PGAP2: variants seen among roughly 807,000 people sequenced by gnomAD.
PGAP2 encodes the protein post-GPI attachment to proteins 2, also known as acyltransferase PGAP2.
In PGAP2, 21 loss-of-function variants were observed where a neutral mutation model predicts 33.2. The observed-to-expected ratio is 0.63, with a 90% confidence interval of 0.45 to 0.91. The LOEUF is 0.91. Ranked by LOEUF, PGAP2 falls within the 40% of genes least tolerant of loss-of-function variation. The pLI, the probability that PGAP2 is intolerant of heterozygous loss-of-function variation, is 0.00. For missense variants in PGAP2, 345 were observed against 424.0 expected (o/e 0.81, Z 1.64); for synonymous variants, 161 against 172.9 (o/e 0.93, Z 0.54).
At chr11:3,822,083 G>A (rs187560620) in intron 3 of PGAP2, among the ~76,000 whole-genome samples, 2 of 151,856 alleles carry the variant, frequency 1.3e-5, no homozygotes, top group South Asian at 2.1e-4. Context: ...AAAACAAAAC[G>A]GCCGGGCGCA....
chr11:3,822,775 G>A, intron 3 of PGAP2: 1 of 534,352 alleles, frequency 1.9e-6, no homozygotes, highest in Non-Finnish European at 3.3e-6. Context: ...TGGAGTCTAA[G>A]AGAGCCTCTT....
intron 2 of PGAP2, among the ~76,000 whole-genome samples, chr11:3,815,624 G>T (rs183869631): frequency 4.9e-4 from 75 of 152,272 alleles, no homozygotes; most frequent in African/African-American, 1.8e-3. Flanking sequence ...CGTTGAACTT[G>T]GCCCAGTTTG....
chr11:3,801,058 G>A (rs577884740), intron 1 of PGAP2, among the ~76,000 whole-genome samples: 3 of 149,502 alleles, frequency 2.0e-5, no homozygotes, highest in South Asian at 2.1e-4. Flanking sequence ...TGCTTGAACC[G>A]GGGAGGCAGA....
intron 3 of PGAP2, among the ~76,000 whole-genome samples, chr11:3,822,219 C>G (rs1263216234): frequency 6.6e-6 from 1 of 151,894 alleles, no homozygotes; most frequent in Non-Finnish European, 1.5e-5. Flanking sequence ...AAAAAATTAG[C>G]CGGGCGTGGT....
intron 5 of PGAP2, chr11:3,824,596 A>T (rs2089657482): frequency 2.7e-6 from 2 of 729,570 alleles, no homozygotes; most frequent in Non-Finnish European, 4.5e-6. Context: ...AGACTGGAGA[A>T]TAGAAGAGAT....
intron 3 of PGAP2, among the ~76,000 whole-genome samples, chr11:3,819,855 C>CGT (rs903428489): frequency 2.0e-5 from 3 of 151,866 alleles, no homozygotes; most frequent in African/African-American, 7.3e-5. Context: ...TGTATATGTG[C>CGT]GTGTGTGTGT....
At chr11:3,801,228 A>G (rs529445239) in intron 1 of PGAP2, among the ~76,000 whole-genome samples, 3 of 152,302 alleles carry the variant, frequency 2.0e-5, no homozygotes, top group Admixed American at 6.5e-5. Flanking sequence ...AAATGGGGAT[A>G]ACAACCACAT....
At chr11:3,819,107 G>A (rs1211863514) in intron 3 of PGAP2, among the ~76,000 whole-genome samples, 2 of 152,204 alleles carry the variant, frequency 1.3e-5, no homozygotes, top group African/African-American at 4.8e-5. Context: ...GGAGTACAGT[G>A]ACCTGATCTT....
upstream of PGAP2, among the ~76,000 whole-genome samples, chr11:3,804,676 G>T (rs1163181513): frequency 6.6e-6 from 1 of 151,970 alleles, no homozygotes; most frequent in Non-Finnish European, 1.5e-5. Flanking sequence ...TTTTATTTTT[G>T]TATTTTGTAT....
intron 1 of PGAP2, among the ~76,000 whole-genome samples, chr11:3,801,724 C>T (rs1392115988): frequency 1.3e-5 from 2 of 151,054 alleles, no homozygotes; most frequent in African/African-American, 4.9e-5. Context: ...GCGGGCAGAT[C>T]ACCTGAGATC....
intron 3 of PGAP2, among the ~76,000 whole-genome samples, chr11:3,820,824 A>AATAC (rs1242619298): frequency 2.0e-5 from 3 of 152,076 alleles, no homozygotes; most frequent in Admixed American, 6.5e-5. Flanking sequence ...CCCTGTCTCA[A>AATAC]ATAAATAAAT....
At chr11:3,803,809 G>A (rs1000788481), upstream of PGAP2, among the ~76,000 whole-genome samples, 3 of 105,454 alleles carry the variant, frequency 2.8e-5, no homozygotes, top group African/African-American at 1.0e-4. Flanking sequence ...TTTTTTTTTT[G>A]AGACACAGTC....
chr11:3,798,433 G>A (rs1415386624), intron 1 of PGAP2, among the ~76,000 whole-genome samples: 1 of 152,062 alleles, frequency 6.6e-6, no homozygotes, highest in African/African-American at 2.4e-5. Context: ...GGGTTCAAGC[G>A]ATTCTCCCGC....
At position 3,817,468 on chromosome 11, in the gene PGAP2, G is replaced by A. The variant is rs780276121; in HGVS notation, c.281G>A (p.Gly94Asp). 4 of 1,614,144 alleles carry A rather than the reference G, an allele frequency of 2.5e-6. No homozygotes were observed. Residue 94 changes from glycine to aspartate, a missense_variant, in exon 3 of 7, where the codon GGC (glycine) becomes GAC (aspartate). By Grantham distance (94) the Gly-to-Asp change is moderately conservative (BLOSUM62 -1). Coordinates refer to ENST00000278243, the MANE Select transcript of PGAP2 (RefSeq NM_014489.4). Reference sequence around the variant, plus strand: ...TGGGCCATCACTTTTCCTGTGTTCGGCTTCTTCTTCTGCATCATCTGGTCC... The same window carrying A: ...TGGGCCATCACTTTTCCTGTGTTCGACTTCTTCTTCTGCATCATCTGGTCC... ...VWWAITFPVF[G>D]FFFCIIWSLV...
intron 1 of PGAP2, among the ~76,000 whole-genome samples, chr11:3,799,923 C>A (rs928536062): frequency 6.6e-6 from 1 of 152,074 alleles, no homozygotes; most frequent in African/African-American, 2.4e-5. Flanking sequence ...GCTGTGATTA[C>A]AGTCATGCCA....
intron 1 of PGAP2, among the ~76,000 whole-genome samples, chr11:3,800,884 G>T (rs1394205331): frequency 6.6e-6 from 1 of 151,622 alleles, no homozygotes; most frequent in East Asian, 1.9e-4. Context: ...TATAATCCCA[G>T]CACTTTTGGA....
intron 3 of PGAP2, among the ~76,000 whole-genome samples, chr11:3,822,399 G>A (rs1485619819): frequency 1.3e-5 from 2 of 151,312 alleles, no homozygotes. Flanking sequence ...GGCCAAGCGA[G>A]GTGGCTCATG....
intron 2 of PGAP2, among the ~76,000 whole-genome samples, chr11:3,814,748 T>TTTTCTTTTC (rs1554928503): frequency 8.9e-6 from 1 of 112,656 alleles, no homozygotes; most frequent in African/African-American, 3.3e-5. Context: ...TCTTTCCTTC[T>TTTTCTTTTC]TTTCTTTCTT....
At chr11:3,808,025 G>T, upstream of PGAP2, 1 of 1,376,148 alleles carries the variant, frequency 7.3e-7, no homozygotes, top group Non-Finnish European at 9.4e-7. Context: ...CTGAACAAAG[G>T]CGGGAACAGC....
Sources: allele counts gnomAD v4.1 joint callset (sites outside exome capture counted in the v4.1 genomes callset), GRCh38; gene constraint gnomAD v4.1.1; transcripts MANE v1.5; gene names NCBI Gene and HGNC (gene_info 2026-07-23, HGNC 2026-07-21).